Variants in ZNF292 observed in about 807,000 individuals in gnomAD.
The protein encoded by ZNF292 is 16 zinc-finger domain protein.
ZNF292 carries 26 observed loss-of-function variants against 217.9 expected under a neutral mutation model. The ratio of observed to expected loss-of-function variants is 0.12; its 90% confidence interval spans 0.09 to 0.17. ZNF292 has a LOEUF of 0.17. Among genes scored for constraint, ZNF292 ranks in the 10% least tolerant of loss-of-function variants. The pLI is 1.00. For synonymous variants in ZNF292, 1,257 were observed against 1,124.1 expected (o/e 1.12, Z -2.37); for missense variants, 2,904 against 3,175.2 (o/e 0.91, Z 2.05).
rs538925974 is a variant in ZNF292, at chr6:87,262,501, A to C, written c.*700A>C. 6.8e-6 allele frequency: 1 copy of C among 146,308 alleles called. No homozygotes were observed. Among genetic ancestry groups the C allele is most frequent in the Admixed American group, 6.7e-5 (1 of 14,828 alleles). 9.1% of individuals were successfully genotyped at this position (146,308 alleles called of 1,614,324 possible). On this transcript the variant is annotated 3_prime_UTR_variant, in exon 8 of 8. Coordinates refer to ENST00000369577, the MANE Select transcript of ZNF292 (RefSeq NM_015021.3). ...AAAGCAGATTCTCTAGCAGTTTCCT[A>C]TAGCTACAGTTTTTTTTTTTCATTG...
chr6:87,199,527 T>C (rs546693616), intron 1 of ZNF292, among the ~76,000 whole-genome samples: 6 of 152,348 alleles, frequency 3.9e-5, no homozygotes, highest in African/African-American at 1.4e-4. Context: ...TTTATAAAAA[T>C]AGATCATGTT....
intron 1 of ZNF292, among the ~76,000 whole-genome samples, chr6:87,161,064 A>T (rs544832881): frequency 6.6e-6 from 1 of 152,304 alleles, no homozygotes; most frequent in African/African-American, 2.4e-5. Context: ...AATGATATTC[A>T]ACAATATTTA....
intron 1 of ZNF292, among the ~76,000 whole-genome samples, chr6:87,215,367 G>T (rs1772699763): frequency 6.6e-6 from 1 of 151,902 alleles, no homozygotes; most frequent in Non-Finnish European, 1.5e-5. Context: ...ATTTTTATAT[G>T]TTGAAAGTCT....
rs372472435 is a variant in ZNF292, at chr6:87,258,976, A to G, written c.5347A>G (p.Thr1783Ala). The change falls in exon 8 of 8, where the codon ACT becomes GCT. Residue 1783 changes from threonine to alanine, a missense_variant. Physicochemically the swap from Thr to Ala is moderately conservative, Grantham distance 58 (BLOSUM62 0). Around this residue, in one of 15 missense-constraint regions of ZNF292, gnomAD observed 622 missense variants for 573.1 expected, o/e 1.09. Transcript: ENST00000369577. ...VKSGSQGAGETSQNAQINYNI... is the reference protein window; with the variant it reads ...VKSGSQGAGEASQNAQINYNI... Reference sequence around the variant, plus strand: ...AAGTGGATCTCAGGGTGCTGGTGAAACTTCACAAAATGCTCAAATAAATTA... The same window carrying G: ...AAGTGGATCTCAGGGTGCTGGTGAAGCTTCACAAAATGCTCAAATAAATTA... 50 of 1,613,290 alleles carry G rather than the reference A, an allele frequency of 3.1e-5. 1 individual carries two copies. The Middle Eastern group carries it at 1.3e-3, about 42-fold the overall frequency.
Position 87,262,942 on chromosome 6 carries a change from A to ATTT in ZNF292, c.*1143_*1144insTTT, listed in dbSNP as rs1775675357. The stretch of plus-strand genomic sequence containing the variant: ...AATACAAGAGTCCTTAACATTTATA[A>ATTT]TTACATAGATAAAACACTTTCTATA... On this transcript the variant is annotated 3_prime_UTR_variant, in exon 8 of 8. Coordinates refer to ENST00000369577, the MANE Select transcript of ZNF292 (RefSeq NM_015021.3). 3 of 152,032 alleles carry ATTT rather than the reference A, an allele frequency of 2.0e-5. No homozygotes were observed. Among genetic ancestry groups the ATTT allele is most frequent in the African/African-American group, 7.2e-5 (3 of 41,444 alleles). 9.4% of individuals were successfully genotyped at this position (152,032 alleles called of 1,614,324 possible).
chr6:87,192,373 T>A (rs1486234306), intron 1 of ZNF292, among the ~76,000 whole-genome samples: 1 of 152,014 alleles, frequency 6.6e-6, no homozygotes, highest in Non-Finnish European at 1.5e-5. Context: ...GGTTTTTTTT[T>A]TTTAACCCTA....
Position 87,259,588 on chromosome 6 carries a change from C to A in ZNF292, c.5959C>A (p.Pro1987Thr). The change falls in exon 8 of 8, where the codon CCT becomes ACT. Residue 1987 changes from proline (P) to threonine (T), a missense_variant. This residue lies in a region of ZNF292 where 261 missense variants were observed against 272.8 expected (regional missense o/e 0.96). Transcript: ENST00000369577. ...EEMVKLKIKR[P>T]YGRKSQSENV... ...AATGGTAAAGTTAAAAATTAAAAGG[C>A]CTTATGGAAGAAAATCTCAGAGTGA... is the stretch of plus-strand genomic sequence containing the variant. The A allele has an allele frequency of 6.3e-7, 1 of 1,577,210 alleles. No individual in the cohort carries two copies. Among genetic ancestry groups the A allele is most frequent in the East Asian group, 2.3e-5 (1 of 43,282 alleles).
chr6:87,218,888 A>G (rs143983767), intron 4 of ZNF292, among the ~76,000 whole-genome samples, 157 bp downstream of exon 4: 15 of 152,310 alleles, frequency 9.8e-5, no homozygotes, highest in African/African-American at 3.6e-4. Flanking sequence ...CCTTTATTTT[A>G]TTTTGGGGAA....
intron 1 of ZNF292, among the ~76,000 whole-genome samples, chr6:87,209,303 C>T (rs372779546): frequency 1.3e-5 from 2 of 151,942 alleles, no homozygotes; most frequent in African/African-American, 4.8e-5. Flanking sequence ...CTTTTTGTTC[C>T]ATTCCCATGT....
intron 1 of ZNF292, among the ~76,000 whole-genome samples, chr6:87,205,297 C>T (rs1208790348): frequency 6.6e-6 from 1 of 152,092 alleles, no homozygotes; most frequent in Non-Finnish European, 1.5e-5. Context: ...TGGTCTCGAA[C>T]CCCTGGCCTC....
At chr6:87,189,078 G>T (rs893718380) in intron 1 of ZNF292, among the ~76,000 whole-genome samples, 1 of 151,890 alleles carries the variant, frequency 6.6e-6, no homozygotes, top group African/African-American at 2.4e-5. Flanking sequence ...GGTGGCGAGC[G>T]CCTGTAATTG....
intron 1 of ZNF292, among the ~76,000 whole-genome samples, chr6:87,175,607 A>G (rs1298582142): frequency 2.0e-5 from 3 of 152,300 alleles, no homozygotes; most frequent in Admixed American, 1.3e-4. Flanking sequence ...CCAGAGTGCT[A>G]GGAGTACAGA....
rs1775705443 is a variant in ZNF292 at position 87,263,428 on chromosome 6, A to G, written c.*1627A>G. The stretch of plus-strand genomic sequence containing the variant: ...TGTGCAACATCAGATTTGCAGGAAA[A>G]ATGAAGCACTTACTGAAATCGCTGG... On this transcript the variant is annotated 3_prime_UTR_variant, in exon 8 of 8. Transcript: ENST00000369577. 6.6e-6 allele frequency: 1 copy of G among 152,082 alleles called. No individual in the cohort carries two copies. Among genetic ancestry groups the G allele is most frequent in the Middle Eastern group, 3.2e-3 (1 of 316 alleles). The allele number at this position is 152,082 out of a possible 1,614,324, so 9.4% of individuals were successfully genotyped here.
At chr6:87,200,486 A>G (rs1417955053) in intron 1 of ZNF292, among the ~76,000 whole-genome samples, 1 of 152,188 alleles carries the variant, frequency 6.6e-6, no homozygotes, top group Non-Finnish European at 1.5e-5. Flanking sequence ...CTCTGCTCCC[A>G]TTAAAGTCAG....
At chr6:87,241,609 G>A (rs958169491) in intron 5 of ZNF292, among the ~76,000 whole-genome samples, 1 of 152,008 alleles carries the variant, frequency 6.6e-6, no homozygotes, top group African/African-American at 2.4e-5. Context: ...TAGTAGAGAT[G>A]GGATTTCACC....
At chr6:87,164,165 G>A (rs1562118019) in intron 1 of ZNF292, among the ~76,000 whole-genome samples, 2 of 152,120 alleles carry the variant, frequency 1.3e-5, no homozygotes, top group Non-Finnish European at 2.9e-5. Context: ...TGGTTCTGCA[G>A]TCAGCTCTCA....
chr6:87,156,923 C>G (rs1348702500), intron 1 of ZNF292, among the ~76,000 whole-genome samples: 3 of 152,190 alleles, frequency 2.0e-5, no homozygotes, highest in Non-Finnish European at 4.4e-5. Context: ...AAAGAAGACA[C>G]AATTTACACA....
rs1401273062 is a variant in ZNF292, at chr6:87,256,322, C to T, written c.2693C>T (p.Ala898Val). ...TGGGATAAAAGCAAAGCAGAATCAGCTGTGACCAAACAAGACCAGATTTCT... is the reference window on the plus strand; with the variant it reads ...TGGGATAAAAGCAAAGCAGAATCAGTTGTGACCAAACAAGACCAGATTTCT... ...DAWDKSKAES[A>V]VTKQDQISAS... Residue 898 changes from alanine to valine, a missense_variant, in exon 8 of 8, where the codon GCT becomes GTT. Physicochemically the swap from Ala to Val is moderately conservative, Grantham distance 64 (BLOSUM62 0). Coordinates refer to ENST00000369577, the MANE Select transcript of ZNF292 (RefSeq NM_015021.3). The T allele has an allele frequency of 6.2e-7, 1 of 1,613,116 alleles. No individual in the cohort carries two copies. Among genetic ancestry groups the T allele is most frequent in the Non-Finnish European group, 8.5e-7 (1 of 1,179,858 alleles).
Position 87,261,766 on chromosome 6 carries a change from A to G in ZNF292, c.8137A>G (p.Ser2713Gly), listed in dbSNP as rs1212325487. 1.2e-6 allele frequency: 2 copies of G among 1,612,474 alleles called. No homozygotes were observed. The highest frequency in any genetic ancestry group is 2.7e-5 in the African/African-American group (2 of 74,848). The change falls in exon 8 of 8, where the codon AGT becomes GGT. Residue 2713 changes from serine (S) to glycine (G), a missense_variant. Ser to Gly is a moderately conservative substitution (Grantham distance 56). Coordinates refer to ENST00000369577, the MANE Select transcript of ZNF292 (RefSeq NM_015021.3). The stretch of plus-strand genomic sequence containing the variant: ...AGATATGTCTGTTATGAAAGATATC[A>G]GTATAGGTAAAGCCACAGGCAGAGG... ...DPDMSVMKDI[S>G]IGKATGRGQY
Sources: allele counts gnomAD v4.1 joint callset (sites outside exome capture counted in the v4.1 genomes callset), GRCh38; gene constraint gnomAD v4.1.1; regional missense constraint gnomAD v4.1.1; transcripts MANE v1.5; gene names NCBI Gene and HGNC (gene_info 2026-07-23, HGNC 2026-07-21).